CNTNAP2: variants seen among roughly 807,000 people sequenced by gnomAD.
CNTNAP2 encodes the protein contactin-associated protein-like 2.
CNTNAP2 carries 98 observed loss-of-function variants against 155.2 expected under a neutral mutation model. The observed-to-expected ratio is 0.63, with a 90% confidence interval of 0.54 to 0.75. CNTNAP2 has a LOEUF of 0.75. Ranked by LOEUF, CNTNAP2 falls within the 30% of genes least tolerant of loss-of-function variation. The probability of loss-of-function intolerance (pLI) is 0.00; values close to 1 mark genes in which losing one functional copy is unlikely to be tolerated. For missense variants in CNTNAP2, 1,727 were observed against 1,688.1 expected (o/e 1.02, Z -0.40); for synonymous variants, 651 against 631.2 (o/e 1.03, Z -0.47).
chr7:146,672,472 G>T (rs960732134), intron 1 of CNTNAP2, among the ~76,000 whole-genome samples: 4 of 152,168 alleles, frequency 2.6e-5, no homozygotes, highest in Non-Finnish European at 5.9e-5. Flanking sequence ...GCATCTGCAT[G>T]CATTCTCTTG....
chr7:147,972,401 G>A (rs556940883), intron 14 of CNTNAP2, among the ~76,000 whole-genome samples: 12 of 152,228 alleles, frequency 7.9e-5, no homozygotes, highest in Non-Finnish European at 1.6e-4. Flanking sequence ...AAAAACTGGG[G>A]ATGTTTATTT....
At chr7:148,284,926 TC>T (rs1797054415) in intron 21 of CNTNAP2, among the ~76,000 whole-genome samples, 1 of 152,236 alleles carries the variant, frequency 6.6e-6, no homozygotes, top group South Asian at 2.1e-4. Context: ...TGAATGTTCC[TC>T]CGGCACTAAC....
At chr7:148,296,049 A>C (rs1484826895) in intron 21 of CNTNAP2, among the ~76,000 whole-genome samples, 2 of 152,232 alleles carry the variant, frequency 1.3e-5, no homozygotes, top group Non-Finnish European at 2.9e-5. Context: ...TAACATGTTT[A>C]AAAGCCAGAC....
At chr7:147,636,602 A>AC (rs1348658370) in intron 12 of CNTNAP2, among the ~76,000 whole-genome samples, 5 of 150,924 alleles carry the variant, frequency 3.3e-5, no homozygotes, top group East Asian at 1.9e-4. Flanking sequence ...TTTACCCTGC[A>AC]CCCCCCAACA....
chr7:146,392,040 G>C (rs1226214007), intron 1 of CNTNAP2, among the ~76,000 whole-genome samples: 2 of 151,992 alleles, frequency 1.3e-5, no homozygotes, highest in Non-Finnish European at 2.9e-5. Flanking sequence ...AATAAATTTT[G>C]GTGAGTAGTA....
In CNTNAP2 at chr7:148,111,723, G is replaced by A. The variant is rs762717722; in HGVS notation, c.2384-6395G>A. Among the ~76,000 whole-genome samples the A allele has an allele frequency of 3.3e-5, 5 of 152,150 alleles. No homozygotes were observed. The South Asian group carries it at 6.2e-4, about 19-fold the overall frequency. On this transcript the variant is annotated intron_variant, in intron 15 of 23. Coordinates refer to ENST00000361727, the MANE Select transcript of CNTNAP2 (RefSeq NM_014141.6). ...AAATGTAGGTTGCATATAAGGCTTCGTAAACAGAAAGCAGTTGCTTTCCCG... is the reference window on the plus strand; with the variant it reads ...AAATGTAGGTTGCATATAAGGCTTCATAAACAGAAAGCAGTTGCTTTCCCG...
intron 1 of CNTNAP2, among the ~76,000 whole-genome samples, chr7:146,145,047 TG>T (rs1394620556): frequency 3.3e-5 from 5 of 152,168 alleles, no homozygotes; most frequent in Admixed American, 3.3e-4. Flanking sequence ...GAATTTGGAC[TG>T]GTCAGATACA....
At chr7:146,768,236 A>T (rs1477977137) in intron 1 of CNTNAP2, among the ~76,000 whole-genome samples, 2 of 151,722 alleles carry the variant, frequency 1.3e-5, no homozygotes, top group Non-Finnish European at 2.9e-5. Context: ...CCTTATGACT[A>T]AAACTATCTT....
intron 1 of CNTNAP2, among the ~76,000 whole-genome samples, chr7:146,641,127 C>T (rs961233581): frequency 1.3e-5 from 2 of 152,134 alleles, no homozygotes; most frequent in East Asian, 3.9e-4. Context: ...GAGATCGAGG[C>T]CATCCTGGCT....
chr7:147,472,962 G>A (rs1476017442), intron 10 of CNTNAP2, among the ~76,000 whole-genome samples: 1 of 152,204 alleles, frequency 6.6e-6, no homozygotes, highest in African/African-American at 2.4e-5. Context: ...CAAGTTTAGA[G>A]CCTTCTTAGA....
intron 15 of CNTNAP2, among the ~76,000 whole-genome samples, chr7:147,981,819 T>TGTGTGTGTGTGTGTGTGG (rs1404450002): frequency 7.9e-5 from 9 of 113,740 alleles, no homozygotes; most frequent in South Asian, 3.3e-4. Flanking sequence ...GTGTGTGTGG[T>TGTGTGTGTGTGTGTGTGG]TTTTTTTTTC....
chr7:148,275,409 G>T (rs1260313705), intron 21 of CNTNAP2, among the ~76,000 whole-genome samples: 2 of 152,168 alleles, frequency 1.3e-5, no homozygotes, highest in Non-Finnish European at 2.9e-5. Context: ...AGAATGATCT[G>T]GGTAAAGCAA....
intron 1 of CNTNAP2, among the ~76,000 whole-genome samples, chr7:146,360,311 C>A (rs1003559395): frequency 8.5e-5 from 13 of 152,166 alleles, no homozygotes; most frequent in Admixed American, 5.2e-4. Flanking sequence ...AGTTCTACAT[C>A]TGAGCACAAA....
chr7:146,611,366 T>G lies in CNTNAP2; in HGVS notation c.98-162905T>G, dbSNP rs188982991. On this transcript the variant is annotated intron_variant, in intron 1 of 23. Coordinates refer to ENST00000361727, the MANE Select transcript of CNTNAP2 (RefSeq NM_014141.6). Reference sequence around the variant, plus strand: ...TCAGCTTCCCAAAGTGCTGGGATTATAGGCGCGAGCCACCGCACCTGGTCT... The same window carrying G: ...TCAGCTTCCCAAAGTGCTGGGATTAGAGGCGCGAGCCACCGCACCTGGTCT... Among the ~76,000 whole-genome samples, 659 of 152,270 alleles carry G rather than the reference T, an allele frequency of 4.3e-3. 6 individuals are homozygous for G. Among genetic ancestry groups the G allele is most frequent in the African/African-American group, 0.015 (631 of 41,552 alleles).
chr7:147,916,060 G>A (rs1003629437), intron 14 of CNTNAP2, among the ~76,000 whole-genome samples: 2 of 152,122 alleles, frequency 1.3e-5, no homozygotes, highest in African/African-American at 2.4e-5. Context: ...TCTTTCGTTA[G>A]GAATTTACCT....
At chr7:146,364,655 AAC>A (rs1236131306) in intron 1 of CNTNAP2, among the ~76,000 whole-genome samples, 5 of 152,218 alleles carry the variant, frequency 3.3e-5, no homozygotes, top group Non-Finnish European at 7.3e-5. Context: ...TCCTAGTGAG[AAC>A]ACCAAGTATA....
At chr7:146,290,234 T>C (rs557041881) in intron 1 of CNTNAP2, among the ~76,000 whole-genome samples, 1 of 152,240 alleles carries the variant, frequency 6.6e-6, no homozygotes, top group East Asian at 1.9e-4. Context: ...GGGTAATTTT[T>C]TATGGCTCCA....
intron 13 of CNTNAP2, among the ~76,000 whole-genome samples, chr7:147,680,510 C>T (rs1022132358): frequency 3.2e-4 from 49 of 151,928 alleles, no homozygotes; most frequent in African/African-American, 7.2e-4. Context: ...ATTGGGGCCC[C>T]GGCTGTTTCT....
At chr7:146,279,303 AC>A (rs1800212057) in intron 1 of CNTNAP2, among the ~76,000 whole-genome samples, 1 of 152,084 alleles carries the variant, frequency 6.6e-6, no homozygotes, top group Non-Finnish European at 1.5e-5. Flanking sequence ...TTTTGTTAAA[AC>A]AAAGTTATGC....
Sources: allele counts gnomAD v4.1 joint callset (sites outside exome capture counted in the v4.1 genomes callset), GRCh38; gene constraint gnomAD v4.1.1; transcripts MANE v1.5; gene names NCBI Gene and HGNC (gene_info 2026-07-23, HGNC 2026-07-21).